The following PRICKLE2 variants were observed in gnomAD, a reference collection of about 807,000 sequenced individuals.
PRICKLE2 encodes prickle-like protein 2.
A neutral mutation model predicts 81.4 loss-of-function variants in PRICKLE2; 21 were observed. The ratio of observed to expected loss-of-function variants is 0.26; its 90% confidence interval spans 0.18 to 0.37. The LOEUF (loss-of-function observed/expected upper bound fraction) is 0.37, where lower values mean the gene tolerates loss of function less well. PRICKLE2 is among the 10% of genes least tolerant of loss of function. PRICKLE2 has a pLI of 1.00. For synonymous variants in PRICKLE2, 456 were observed against 421.5 expected, an observed-to-expected ratio of 1.08 and a Z score of -1.00; for missense variants, 940 against 1,109.0, an observed-to-expected ratio of 0.85 and a Z score of 2.16.
In PRICKLE2 at chr3:64,094,643, G is replaced by A; in HGVS notation, c.*4408C>T. On this transcript the variant is annotated 3_prime_UTR_variant, in exon 8 of 8. Coordinates refer to ENST00000638394, the MANE Select transcript of PRICKLE2 (RefSeq NM_198859.4). ...GACTAGGCTACTATTATGAGAAAAT[G>A]GAAAAAGAATCCAATTTTTTCTTGA... 6.6e-6 allele frequency: 1 copy of A among 152,210 alleles called. No individual in the cohort carries two copies. Among genetic ancestry groups the A allele is most frequent in the East Asian group, 1.9e-4 (1 of 5,194 alleles). 9.4% of individuals were successfully genotyped at this position (152,210 alleles called of 1,614,324 possible). A position where few individuals can be genotyped will look rare whatever the true frequency, so the allele number is the denominator to read the frequency against.
At chr3:64,257,028 C>G (rs565797709) in intron 2 of PRICKLE2, among the ~76,000 whole-genome samples, 2 of 152,324 alleles carry the variant, frequency 1.3e-5, no homozygotes, top group South Asian at 4.1e-4. Context: ...AAGTTGCCAA[C>G]CTGGTGCCAA....
Position 64,168,384 on chromosome 3 carries a change from CA to C in PRICKLE2, c.145-5256del, listed in dbSNP as rs370934881. Reference sequence around the variant, plus strand: ...ATAGCTGATGAGCTTTAAAAAATTGCAAAAAAAAAATCTCATAATGTTTTAA... The same window carrying C: ...ATAGCTGATGAGCTTTAAAAAATTGCAAAAAAAAATCTCATAATGTTTTAA... On this transcript the variant is annotated intron_variant, in intron 2 of 7. Coordinates refer to ENST00000638394, the MANE Select transcript of PRICKLE2 (RefSeq NM_198859.4). Among the ~76,000 whole-genome samples the C allele has an allele frequency of 1.4e-3, 213 of 149,338 alleles. 4 individuals carry two copies. Among genetic ancestry groups the C allele is most frequent in the Middle Eastern group, 7.0e-3 (2 of 284 alleles).
intron 7 of PRICKLE2, among the ~76,000 whole-genome samples, chr3:64,136,519 T>A (rs2077282836): frequency 6.6e-6 from 1 of 150,736 alleles, no homozygotes; most frequent in Non-Finnish European, 1.5e-5. Flanking sequence ...AGTGGATAGT[T>A]TATTGTTTAC....
At chr3:64,258,845 A>AAAAAAAAGAAAG (rs2079570108) in intron 2 of PRICKLE2, among the ~76,000 whole-genome samples, 1 of 33,998 alleles carries the variant, frequency 2.9e-5, no homozygotes, top group Non-Finnish European at 5.2e-5. Flanking sequence ...AAAAAAAAAA[A>AAAAAAAAGAAAG]AAAGAAAGAA....
chr3:64,130,017 G>A (rs923731405), intron 7 of PRICKLE2, among the ~76,000 whole-genome samples: 3 of 152,196 alleles, frequency 2.0e-5, no homozygotes, highest in Non-Finnish European at 4.4e-5. Flanking sequence ...GGACAGAAAT[G>A]TGGAGTAGTG....
chr3:64,165,993 TGTGTGTGTGTGTGTG>T (rs1559552003), intron 2 of PRICKLE2, among the ~76,000 whole-genome samples: 8 of 151,282 alleles, frequency 5.3e-5, no homozygotes, highest in East Asian at 1.9e-4. Flanking sequence ...TGTGTGTGTG[TGTGTGTGTGTGTGTG>T]TGTGTGTTTT....
intron 7 of PRICKLE2, among the ~76,000 whole-genome samples, chr3:64,104,071 C>T (rs1034962419): frequency 6.6e-6 from 1 of 152,188 alleles, no homozygotes; most frequent in Non-Finnish European, 1.5e-5. Context: ...AGAAATTAAT[C>T]AGCTAAATAT....
Position 64,251,631 on chromosome 3 carries a change from A to G in PRICKLE2, c.129-52664T>C, listed in dbSNP as rs190634711. Among the ~76,000 whole-genome samples the G allele has an allele frequency of 3.8e-3, 581 of 152,320 alleles. 3 individuals carry two copies. Among genetic ancestry groups the G allele is most frequent in the African/African-American group, 0.012 (493 of 41,578 alleles). On this transcript the variant is annotated intron_variant, in intron 2 of 8. Coordinates refer to the PRICKLE2 transcript ENST00000295902. ...AGAGAGTTCATTTTGTTTACAGGGCAGGGGAGAAGCATGGACAGACATCAG... is the reference window on the plus strand; with the variant it reads ...AGAGAGTTCATTTTGTTTACAGGGCGGGGGAGAAGCATGGACAGACATCAG...
chr3:64,113,675 A>G (rs1045874969), intron 7 of PRICKLE2, among the ~76,000 whole-genome samples: 18 of 152,168 alleles, frequency 1.2e-4, no homozygotes, highest in African/African-American at 4.3e-4. Context: ...CCACCACTGC[A>G]GATGGAGCTT....
intron 7 of PRICKLE2, among the ~76,000 whole-genome samples, chr3:64,117,906 CA>C (rs1472233976): frequency 4.0e-5 from 6 of 151,886 alleles, no homozygotes; most frequent in Non-Finnish European, 7.4e-5. Context: ...CAATCCTAAG[CA>C]AAAAAGAACA....
intron 2 of PRICKLE2, among the ~76,000 whole-genome samples, chr3:64,239,955 A>C (rs890758734): frequency 7.0e-6 from 1 of 142,428 alleles, no homozygotes; most frequent in Non-Finnish European, 1.5e-5. Flanking sequence ...TCGCTACCAA[A>C]AAAAAAAAAA....
intron 6 of PRICKLE2, among the ~76,000 whole-genome samples, chr3:64,148,974 C>T (rs1166872958): frequency 1.3e-5 from 2 of 152,202 alleles, no homozygotes; most frequent in Admixed American, 6.5e-5. Context: ...GAAAAATCTG[C>T]TTTCGGTAAA....
intron 2 of PRICKLE2, among the ~76,000 whole-genome samples, chr3:64,257,103 TTC>T (rs1412878912): frequency 3.3e-5 from 5 of 152,166 alleles, no homozygotes; most frequent in African/African-American, 1.2e-4. Flanking sequence ...GCTTCACCCA[TTC>T]ATTTGGGATC....
intron 5 of PRICKLE2, among the ~76,000 whole-genome samples, chr3:64,155,466 G>A (rs1408813348): frequency 2.6e-5 from 4 of 151,854 alleles, no homozygotes; most frequent in Non-Finnish European, 5.9e-5. Flanking sequence ...ACTTGTTTTG[G>A]AAGACAATTT....
At chr3:64,204,153 A>G (rs1399400964) in intron 1 of PRICKLE2, among the ~76,000 whole-genome samples, 2 of 152,344 alleles carry the variant, frequency 1.3e-5, no homozygotes, top group East Asian at 3.9e-4. Context: ...GGGGAGAAAC[A>G]TACAATACAC....
intron 2 of PRICKLE2, among the ~76,000 whole-genome samples, chr3:64,261,797 A>G (rs2079618479): frequency 6.6e-6 from 1 of 152,102 alleles, no homozygotes; most frequent in Admixed American, 6.5e-5. Flanking sequence ...AGAACTTGTT[A>G]AGGTGGGAGA....
chr3:64,179,015 CTTTCTTTCTTTCTTTCTTTCTTTT>C (rs2078077682), intron 2 of PRICKLE2, among the ~76,000 whole-genome samples: 1 of 137,582 alleles, frequency 7.3e-6, no homozygotes, highest in Admixed American at 7.4e-5. Flanking sequence ...TTCTTTCTTT[CTTTCTTTCTTTCTTTCTTTCTTTT>C]CTTTCCTTCT....
At chr3:64,115,533 A>C (rs1435595002) in intron 7 of PRICKLE2, among the ~76,000 whole-genome samples, 2 of 152,188 alleles carry the variant, frequency 1.3e-5, no homozygotes, top group Non-Finnish European at 2.9e-5. Context: ...AACAGAAAAA[A>C]GCAGGAGTTG....
intron 2 of PRICKLE2, among the ~76,000 whole-genome samples, chr3:64,165,637 AG>A (rs1030543173): frequency 5.3e-5 from 8 of 152,128 alleles, no homozygotes; most frequent in African/African-American, 1.9e-4. Context: ...ACCTCAGAGT[AG>A]CAGGAACTAC....
Sources: gnomAD v4.1 joint callset for allele counts (sites outside exome capture counted in the v4.1 genomes callset) on GRCh38, gnomAD v4.1.1 for gene constraint, MANE v1.5 for transcripts, NCBI Gene and HGNC (gene_info 2026-07-23, HGNC 2026-07-21) for gene names.